Variants in TENM3 observed in about 807,000 individuals in gnomAD.
TENM3 encodes teneurin transmembrane protein 3.
In TENM3, 63 loss-of-function variants were observed where a neutral mutation model predicts 255.1. That is an observed-to-expected ratio of 0.25 (90% CI 0.20 to 0.30). The LOEUF (loss-of-function observed/expected upper bound fraction) is 0.30. Among genes scored for constraint, TENM3 ranks in the 10% least tolerant of loss-of-function variants. The pLI is 1.00. For synonymous variants in TENM3, 1,306 were observed against 1,322.3 expected, an observed-to-expected ratio of 0.99 and a Z score of 0.27; for missense variants, 2,929 against 3,461.1, an observed-to-expected ratio of 0.85 and a Z score of 3.86.
chr4:182,153,935 TGAG>T (rs1750517149), intron 1 of TENM3, among the ~76,000 whole-genome samples: 1 of 152,124 alleles, frequency 6.6e-6, no homozygotes, highest in Non-Finnish European at 1.5e-5. Flanking sequence ...TTTTAAATGT[TGAG>T]GAAAGTGAAG....
chr4:182,234,940 T>A (rs1428133755), intron 1 of TENM3, among the ~76,000 whole-genome samples: 1 of 152,110 alleles, frequency 6.6e-6, no homozygotes, highest in Admixed American at 6.5e-5. Flanking sequence ...GAGCCTGGGC[T>A]GCATTTTAAA....
the TENM3 span, among the ~76,000 whole-genome samples, chr4:181,659,523 G>A: frequency 6.6e-6 from 1 of 152,172 alleles, no homozygotes; most frequent in Admixed American, 6.5e-5. Flanking sequence ...GGTGACTGAT[G>A]ACCAATTTTC....
chr4:181,562,967 G>T, the TENM3 span, among the ~76,000 whole-genome samples: 3 of 152,322 alleles, frequency 2.0e-5, no homozygotes, highest in South Asian at 4.1e-4. Flanking sequence ...GAGCCACCGT[G>T]CCGGGCCCTT....
At chr4:182,233,294 G>A (rs1756694539) in intron 1 of TENM3, among the ~76,000 whole-genome samples, 1 of 152,212 alleles carries the variant, frequency 6.6e-6, no homozygotes, top group Non-Finnish European at 1.5e-5. Context: ...GTCCACACAT[G>A]ATCCCACACT....
chr4:181,924,998 A>G, the TENM3 span, among the ~76,000 whole-genome samples: 1 of 152,230 alleles, frequency 6.6e-6, no homozygotes, highest in Admixed American at 6.5e-5. Flanking sequence ...ATTGGTGTCA[A>G]ATACAATAGT....
the TENM3 span, among the ~76,000 whole-genome samples, chr4:181,675,734 C>T: frequency 0.061 from 9,210 of 151,914 alleles, 439 homozygotes; most frequent in African/African-American, 0.13. Context: ...CTACCGTTGC[C>T]GCACGAGGGG....
intron 3 of TENM3, among the ~76,000 whole-genome samples, chr4:182,593,772 C>A (rs1227539311): frequency 6.6e-6 from 1 of 152,162 alleles, no homozygotes; most frequent in Non-Finnish European, 1.5e-5. Flanking sequence ...ACCGAGCACA[C>A]ACATACAAAT....
At chr4:182,100,652 T>C in the TENM3 span, among the ~76,000 whole-genome samples, 5 of 38,220 alleles carry the variant, frequency 1.3e-4, no homozygotes, top group East Asian at 7.4e-4. Context: ...TATATACACA[T>C]ATATACACAT....
chr4:182,165,548 A>G (rs12504374), intron 1 of TENM3, among the ~76,000 whole-genome samples: 101,639 of 151,954 alleles, frequency 0.67, 34,180 homozygotes, highest in Middle Eastern at 0.75. Context: ...AGGCACACAT[A>G]GTCATCAGCT....
intron 1 of TENM3, among the ~76,000 whole-genome samples, chr4:182,219,190 C>T (rs1254455081): frequency 6.6e-6 from 1 of 152,062 alleles, no homozygotes; most frequent in Non-Finnish European, 1.5e-5. Context: ...CCACTGCCCT[C>T]CAGCCTGGGT....
chr4:182,451,573 ATAAT>A (rs1382018119), intron 3 of TENM3, among the ~76,000 whole-genome samples: 1 of 152,182 alleles, frequency 6.6e-6, no homozygotes, highest in African/African-American at 2.4e-5. Context: ...AGTGATCCTG[ATAAT>A]TAATGCTGTA....
intron 22 of TENM3, among the ~76,000 whole-genome samples, chr4:182,768,659 C>G (rs17074048): frequency 6.6e-6 from 1 of 151,870 alleles, no homozygotes; most frequent in East Asian, 1.9e-4. Flanking sequence ...TGTGATTCTC[C>G]GAGGCATTTG....
chr4:182,577,225 TC>T (rs1235466590), intron 3 of TENM3, among the ~76,000 whole-genome samples: 1 of 152,212 alleles, frequency 6.6e-6, no homozygotes, highest in Non-Finnish European at 1.5e-5. Flanking sequence ...ATACTTCATC[TC>T]TCTGTATATC....
intron 13 of TENM3, among the ~76,000 whole-genome samples, chr4:182,718,681 A>C (rs938836108): frequency 6.6e-6 from 1 of 152,194 alleles, no homozygotes. Flanking sequence ...TTGCCAAAGT[A>C]TAGCCTTTTG....
rs189570110 is a variant in TENM3 at position 182,624,902 on chromosome 4, C to G, written c.750-3749C>G. On this transcript the variant is annotated intron_variant, in intron 4 of 27. Transcript: ENST00000511685. ...ACAAGATCACTGATTGTAATAAGCA[C>G]TTTGAAGAAAATGATAATACGTGGT... Among the ~76,000 whole-genome samples the G allele has an allele frequency of 1.1e-4, 17 of 152,244 alleles. No individual in the cohort carries two copies. In the East Asian group the frequency reaches 3.3e-3, roughly 29 times the overall value.
intron 3 of TENM3, among the ~76,000 whole-genome samples, chr4:182,570,059 T>G (rs1744205466): frequency 6.6e-6 from 1 of 152,216 alleles, no homozygotes; most frequent in Admixed American, 6.5e-5. Context: ...AACATATTTC[T>G]TTTGGACAGT....
chr4:181,921,869 G>T, the TENM3 span, among the ~76,000 whole-genome samples: 1 of 152,084 alleles, frequency 6.6e-6, no homozygotes, highest in East Asian at 1.9e-4. Flanking sequence ...TTGGCTGTGG[G>T]TTTGTCATAG....
intron 4 of TENM3, among the ~76,000 whole-genome samples, chr4:182,613,215 G>A (rs1018692815): frequency 6.6e-6 from 1 of 150,658 alleles, no homozygotes; most frequent in African/African-American, 2.4e-5. Flanking sequence ...AATATATTTA[G>A]TGTATAATAA....
chr4:182,163,272 C>T (rs552636813), intron 1 of TENM3, among the ~76,000 whole-genome samples: 1 of 152,260 alleles, frequency 6.6e-6, no homozygotes, highest in African/African-American at 2.4e-5. Context: ...TTCTAGATTG[C>T]CCCTGGAGAG....
Sources: allele counts gnomAD v4.1 joint callset (sites outside exome capture counted in the v4.1 genomes callset), GRCh38; gene constraint gnomAD v4.1.1; transcripts MANE v1.5; gene names NCBI Gene and HGNC (gene_info 2026-07-23, HGNC 2026-07-21).